Variants in SLC37A1 observed in about 807,000 individuals in gnomAD.
SLC37A1 encodes solute carrier family 37 member 1.
SLC37A1 carries 49 observed loss-of-function variants against 75.3 expected under a neutral mutation model. The ratio of observed to expected loss-of-function variants is 0.65; its 90% CI spans 0.52 to 0.83. The LOEUF is 0.83. Ranked by LOEUF, SLC37A1 falls within the 40% of genes least tolerant of loss-of-function variation. The pLI, the probability that SLC37A1 is intolerant of heterozygous loss-of-function variation, is 0.00. For missense variants in SLC37A1, 566 were observed against 695.0 expected (o/e 0.81, Z 2.09); for synonymous variants, 268 against 292.1 (o/e 0.92, Z 0.84).
At chr21:42,525,736 G>A (rs1239307592) in intron 2 of SLC37A1, 40 bp from the exon 3 acceptor site, 1 of 1,436,604 alleles carries the variant, frequency 7.0e-7, no homozygotes, top group Admixed American at 1.7e-5. Context: ...CATAACTTCT[G>A]TTATTTCATA....
intron 5 of SLC37A1, among the ~76,000 whole-genome samples, chr21:42,538,273 A>C (rs143082721): frequency 1.1e-3 from 172 of 152,216 alleles, no homozygotes; most frequent in African/African-American, 3.9e-3. Flanking sequence ...AATGCTCTTG[A>C]GTCTGTGTGT....
chr21:42,567,134 TAC>T, intron 16 of SLC37A1, 76 bp downstream of exon 16: 1 of 1,496,236 alleles, frequency 6.7e-7, no homozygotes, highest in Non-Finnish European at 9.1e-7. Context: ...TGGCCTCCAT[TAC>T]TGTTAGTAAA....
intron 17 of SLC37A1, among the ~76,000 whole-genome samples, chr21:42,573,976 A>G (rs1601783725): frequency 6.7e-6 from 1 of 150,092 alleles, no homozygotes; most frequent in Admixed American, 6.7e-5. Context: ...AATAGTACAA[A>G]GAATTCAGAC....
At chr21:42,577,469 T>C (rs2056332501) in intron 18 of SLC37A1, among the ~76,000 whole-genome samples, 1 of 152,180 alleles carries the variant, frequency 6.6e-6, no homozygotes, top group Non-Finnish European at 1.5e-5. Context: ...AATGACTAAT[T>C]TGGGCAATAT....
chr21:42,570,920 C>G (rs2056145757), intron 17 of SLC37A1, among the ~76,000 whole-genome samples: 1 of 152,210 alleles, frequency 6.6e-6, no homozygotes, highest in South Asian at 2.1e-4. Context: ...CCCCTCTGGC[C>G]TTCTGTTAAC....
rs375712356 is a variant in SLC37A1, at chr21:42,533,505, C to T, written c.139-1193C>T. Among the ~76,000 whole-genome samples the T allele has an allele frequency of 1.1e-4, 16 of 152,290 alleles. 3 individuals are homozygous for T. Among genetic ancestry groups the T allele is most frequent in the East Asian group, 1.9e-4 (1 of 5,174 alleles). On this transcript the variant is annotated intron_variant, in intron 3 of 19. Transcript: ENST00000352133. The stretch of plus-strand genomic sequence containing the variant: ...CAAGACGAGCCCCTGCCACATGTGG[C>T]GCTGTCCTGGAAGTGTTGTTCCTCT...
chr21:42,503,001 T>A (rs1203353809), intron 2 of SLC37A1: 1 of 152,222 alleles, frequency 6.6e-6, no homozygotes, highest in Non-Finnish European at 1.5e-5. Context: ...GTGAATCCTT[T>A]CATGCTTTTA....
At chr21:42,517,684 GC>G (rs1401331175) in intron 1 of SLC37A1, among the ~76,000 whole-genome samples, 1 of 152,274 alleles carries the variant, frequency 6.6e-6, no homozygotes, top group African/African-American at 2.4e-5. Flanking sequence ...TCTGCCTTCA[GC>G]CCTGACTTCA....
At chr21:42,577,167 G>A (rs2056325943) in intron 18 of SLC37A1, among the ~76,000 whole-genome samples, 1 of 151,984 alleles carries the variant, frequency 6.6e-6, no homozygotes, top group African/African-American at 2.4e-5. Flanking sequence ...AGAGAAGGAA[G>A]ATAGATCCAG....
intron 13 of SLC37A1, among the ~76,000 whole-genome samples, chr21:42,564,434 C>G (rs1168888364): frequency 6.6e-6 from 1 of 152,092 alleles, no homozygotes; most frequent in Non-Finnish European, 1.5e-5. Context: ...GGGCAGGTGA[C>G]AGACTGGCCA....
At chr21:42,508,279 C>T (rs2054403543) in intron 2 of SLC37A1, among the ~76,000 whole-genome samples, 1 of 152,026 alleles carries the variant, frequency 6.6e-6, no homozygotes, top group South Asian at 2.1e-4. Context: ...CAGGTGCCCG[C>T]CACCATGCCT....
intron 1 of SLC37A1, among the ~76,000 whole-genome samples, chr21:42,500,595 A>G (rs1176960149): frequency 1.3e-5 from 2 of 152,050 alleles, no homozygotes; most frequent in African/African-American, 4.8e-5. Flanking sequence ...TTTGGGGGGG[A>G]ATTTTAACTC....
At chr21:42,504,506 A>G (rs1409123728) in intron 2 of SLC37A1, among the ~76,000 whole-genome samples, 1 of 152,218 alleles carries the variant, frequency 6.6e-6, no homozygotes, top group Non-Finnish European at 1.5e-5. Flanking sequence ...ATCTTAAGTC[A>G]TGCACATATA....
At chr21:42,576,620 G>A (rs908506574) in intron 18 of SLC37A1, among the ~76,000 whole-genome samples, 2 of 152,048 alleles carry the variant, frequency 1.3e-5, no homozygotes, top group Non-Finnish European at 2.9e-5. Context: ...ATAAATATAT[G>A]CAATGTTACT....
At chr21:42,521,073 C>T (rs549124664) in intron 2 of SLC37A1, among the ~76,000 whole-genome samples, 2 of 152,150 alleles carry the variant, frequency 1.3e-5, no homozygotes, top group African/African-American at 2.4e-5. Flanking sequence ...TGCAGGGTAC[C>T]CAGCGCAGGC....
chr21:42,580,639 A>G lies in SLC37A1; in HGVS notation c.*279A>G. On this transcript the variant is annotated 3_prime_UTR_variant, in exon 20 of 20. Coordinates refer to ENST00000352133, the MANE Select transcript of SLC37A1 (RefSeq NM_001320537.2). ...GCCCTGGCCTCACAGGCGTGTGCCCATGCAGCCACCCAAATGCACGCGTGA... is the reference window on the plus strand; with the variant it reads ...GCCCTGGCCTCACAGGCGTGTGCCCGTGCAGCCACCCAAATGCACGCGTGA... The G allele has an allele frequency of 3.4e-6, 1 of 292,574 alleles. No homozygotes were observed. Among genetic ancestry groups the G allele is most frequent in the Admixed American group, 5.0e-5 (1 of 19,906 alleles). 18.1% of individuals were successfully genotyped at this position (292,574 alleles called of 1,614,324 possible).
chr21:42,553,644 C>T (rs1441746261), intron 9 of SLC37A1, among the ~76,000 whole-genome samples: 2 of 151,796 alleles, frequency 1.3e-5, no homozygotes, highest in East Asian at 1.9e-4. Flanking sequence ...TTGAGCAAGC[C>T]ACACTCTCCT....
At position 42,579,785 on chromosome 21, in the gene SLC37A1, C is replaced by T. The variant is rs1473709338; in HGVS notation, c.1571C>T (p.Thr524Met). The change falls in exon 19 of 20, where the codon ACG becomes ATG. Residue 524 changes from threonine to methionine, a missense_variant. Transcript: ENST00000352133. ...GAGCTGAGCTGCCCAGGGTCAGCTA[C>T]GGGGGACCAAGTTCCGTAAGTCCCA... Reference protein sequence around the residue: ...HKELSCPGSATGDQVPFKEQ With the variant: ...HKELSCPGSAMGDQVPFKEQ 13 of 1,614,034 alleles carry T rather than the reference C, an allele frequency of 8.1e-6. No individual in the cohort carries two copies. The highest frequency in any genetic ancestry group is 5.0e-5 in the Admixed American group (3 of 60,008).
intron 17 of SLC37A1, among the ~76,000 whole-genome samples, chr21:42,569,844 C>T (rs1292266465): frequency 6.6e-6 from 1 of 152,268 alleles, no homozygotes; most frequent in African/African-American, 2.4e-5. Context: ...AGAATCGCAG[C>T]CGGGGCCCAG....
Sources: gnomAD v4.1 joint callset for allele counts (sites outside exome capture counted in the v4.1 genomes callset) on GRCh38, gnomAD v4.1.1 for gene constraint, MANE v1.5 for transcripts, NCBI Gene and HGNC (gene_info 2026-07-23, HGNC 2026-07-21) for gene names.